The following XKR7 variants were observed in gnomAD, a reference collection of about 807,000 sequenced individuals.
XKR7 encodes the protein XK related 7.
XKR7 carries 11 observed loss-of-function variants against 42.2 expected under a neutral mutation model. That is an observed-to-expected ratio of 0.26 (90% CI 0.16 to 0.43). The LOEUF (loss-of-function observed/expected upper bound fraction) is 0.43, where lower values mean the gene tolerates loss of function less well. XKR7 is among the 20% of genes least tolerant of loss of function. The pLI is 1.00. For missense variants in XKR7, 710 were observed against 802.2 expected (o/e 0.89, Z 1.39); for synonymous variants, 346 against 366.4 (o/e 0.94, Z 0.64).
intron 1 of XKR7, among the ~76,000 whole-genome samples, chr20:31,992,001 C>T (rs2064572353): frequency 6.6e-6 from 1 of 152,216 alleles, no homozygotes; most frequent in African/African-American, 2.4e-5. Context: ...CCTGTAATCC[C>T]AGCTACTCGG....
rs2064601355 is a variant in XKR7 at position 31,997,530 on chromosome 20, T to G, written c.*73T>G. The G allele has an allele frequency of 7.2e-7, 1 of 1,390,634 alleles. No individual in the cohort carries two copies. The highest frequency in any genetic ancestry group is 1.4e-5 in the African/African-American group (1 of 70,026). 86.1% of individuals were successfully genotyped at this position (1,390,634 alleles called of 1,614,324 possible). On this transcript the variant is annotated 3_prime_UTR_variant, in exon 3 of 3. Transcript: ENST00000562532. ...CCGCCGCAGTGTTGTGCCCCGAATT[T>G]CAGGGCCACCAGGCTAAGGGGGAGT... is the stretch of plus-strand genomic sequence containing the variant.
intron 1 of XKR7, among the ~76,000 whole-genome samples, chr20:31,975,004 G>A (rs749332255): frequency 6.6e-5 from 10 of 152,214 alleles, no homozygotes; most frequent in Middle Eastern, 3.4e-3. Context: ...TGGGCCCAGC[G>A]TCCCCTGTTT....
intron 2 of XKR7, 88 bp from the exon 3 acceptor site, chr20:31,996,416 TC>T: frequency 5.1e-6 from 5 of 975,986 alleles, no homozygotes; most frequent in Non-Finnish European, 7.2e-6. Context: ...AAAACCCAGC[TC>T]CTGACCCAGA....
intron 2 of XKR7, among the ~76,000 whole-genome samples, chr20:31,996,088 G>A (rs1186495208): frequency 1.3e-5 from 2 of 151,606 alleles, no homozygotes; most frequent in South Asian, 2.1e-4. Context: ...CCTCCTGGTG[G>A]CCCACGACTT....
rs535466555 is a variant in XKR7, at chr20:31,971,384, G to T, written c.584+2625G>T. Among the ~76,000 whole-genome samples the T allele has an allele frequency of 3.3e-5, 5 of 152,334 alleles. No individual in the cohort carries two copies. In the East Asian group the frequency reaches 9.6e-4, roughly 29 times the overall value. On this transcript the variant is annotated intron_variant, in intron 1 of 2. Transcript: ENST00000562532. ...AAGAGTTTCCCATTCCTGAAATTCT[G>T]ACTCTGGGTCTATTGCCAAAGCAAA...
chr20:31,995,016 A>AGAGCGAGAGGAACCAGCGCGCGG lies in XKR7; in HGVS notation c.585-47_585-25dup. The AGAGCGAGAGGAACCAGCGCGCGG allele has an allele frequency of 6.5e-7, 1 of 1,536,232 alleles. No homozygotes were observed. The highest frequency in any genetic ancestry group is 1.2e-5 in the South Asian group (1 of 83,220). On this transcript the variant is annotated intron_variant, in intron 1 of 2. Coordinates refer to ENST00000562532, the MANE Select transcript of XKR7 (RefSeq NM_001011718.2). The surrounding 1 kb of genome is among the most constrained non-coding windows in gnomAD (Gnocchi z 4.1). ...GTGGGCGGCTCGGGGCTGGTGCGAC[A>AGAGCGAGAGGAACCAGCGCGCGG]GAGCGAGAGGAACCAGCGCGCGGGA... is the stretch of plus-strand genomic sequence containing the variant.
chr20:31,986,742 C>T (rs1323247589), intron 1 of XKR7, among the ~76,000 whole-genome samples: 1 of 145,528 alleles, frequency 6.9e-6, no homozygotes, highest in African/African-American at 2.6e-5. Flanking sequence ...ACCCAGCATC[C>T]AAGACACAGA....
At position 31,989,277 on chromosome 20, in the gene XKR7, C is replaced by CG. The variant is rs572620675; in HGVS notation, c.585-5791_585-5790insG. On this transcript the variant is annotated intron_variant, in intron 1 of 2. Coordinates refer to ENST00000562532, the MANE Select transcript of XKR7 (RefSeq NM_001011718.2). ...CAAGTCTGGCTGAGTTTTAGGACAC[C>CG]CCCCCCCCAGCGCATCTGGAGTGTC... 2.6e-3 allele frequency among the ~76,000 whole-genome samples: 287 copies of CG among 111,448 alleles called. 1 individual carries two copies. Among genetic ancestry groups the CG allele is most frequent in the Non-Finnish European group, 4.5e-3 (238 of 52,386 alleles). 73.1% of individuals were successfully genotyped at this position (111,448 alleles called of 152,430 possible). A position where few individuals can be genotyped will look rare whatever the true frequency, so the allele number is the denominator to read the frequency against.
chr20:31,982,570 C>T (rs1267640149), intron 1 of XKR7, among the ~76,000 whole-genome samples: 1 of 151,862 alleles, frequency 6.6e-6, no homozygotes. Flanking sequence ...TGAACCTTCC[C>T]TTTTCTGACA....
chr20:31,992,756 CAGAG>C (rs913473961), intron 1 of XKR7, among the ~76,000 whole-genome samples: 1 of 152,088 alleles, frequency 6.6e-6, no homozygotes, highest in East Asian at 1.9e-4. Context: ...CCTCATTTTG[CAGAG>C]AGAGTCCCAG....
Position 31,996,701 on chromosome 20 carries a change from T to G in XKR7, c.984T>G (p.Phe328Leu). 1.2e-6 allele frequency: 2 copies of G among 1,611,934 alleles called. No homozygotes were observed. The change falls in exon 3 of 3, where the codon TTT (phenylalanine) becomes TTG (leucine). Residue 328 changes from phenylalanine to leucine, a missense_variant. By Grantham distance (22) the Phe-to-Leu change is conservative. Coordinates refer to ENST00000562532, the MANE Select transcript of XKR7 (RefSeq NM_001011718.2). Reference protein sequence around the residue: ...ALFASVYKLYFGIFIVAHWCV... With the variant: ...ALFASVYKLYLGIFIVAHWCV... Reference sequence around the variant, plus strand: ...TCGCCAGCGTCTACAAGCTCTATTTTGGCATCTTCATCGTGGCCCACTGGT... The same window carrying G: ...TCGCCAGCGTCTACAAGCTCTATTTGGGCATCTTCATCGTGGCCCACTGGT...
intron 1 of XKR7, among the ~76,000 whole-genome samples, chr20:31,993,553 T>G (rs2064578755): frequency 6.6e-6 from 1 of 152,160 alleles, no homozygotes; most frequent in South Asian, 2.1e-4. Context: ...AGAGTTCCAT[T>G]CAGTTCAACA....
intron 1 of XKR7, among the ~76,000 whole-genome samples, chr20:31,977,793 A>C (rs999260689): frequency 6.6e-6 from 1 of 152,214 alleles, no homozygotes; most frequent in African/African-American, 2.4e-5. Flanking sequence ...TTGGAATAGA[A>C]GCAAGAACAC....
Position 31,984,027 on chromosome 20 carries a change from C to T in XKR7, c.585-11041C>T, listed in dbSNP as rs531955653. Among the ~76,000 whole-genome samples, 25 of 151,556 alleles carry T rather than the reference C, an allele frequency of 1.6e-4. 1 individual carries two copies. In the Middle Eastern group the frequency reaches 0.01, roughly 62 times the overall value. On this transcript the variant is annotated intron_variant, in intron 1 of 2. Transcript: ENST00000562532. ...GGTTCACTCCCAGCACTTGGGAGGC[C>T]GAGTCAAGTGGATCCCTTGAGGTCA...
chr20:31,981,095 G>A (rs1024016443), intron 1 of XKR7, among the ~76,000 whole-genome samples: 1 of 148,676 alleles, frequency 6.7e-6, no homozygotes, highest in African/African-American at 2.5e-5. Flanking sequence ...GCCAGGTGCT[G>A]TGGCTCATGC....
At chr20:31,969,778 A>G (rs995773095) in intron 1 of XKR7, among the ~76,000 whole-genome samples, 1 of 152,148 alleles carries the variant, frequency 6.6e-6, no homozygotes, top group African/African-American at 2.4e-5. Context: ...GTCAGGTGAG[A>G]GGTCTGCATG....
intron 1 of XKR7, among the ~76,000 whole-genome samples, chr20:31,993,397 T>C (rs1023969986): frequency 1.3e-5 from 2 of 152,172 alleles, no homozygotes; most frequent in African/African-American, 4.8e-5. Context: ...AAGTTTCTTT[T>C]CATTCATTTA....
intron 1 of XKR7, among the ~76,000 whole-genome samples, chr20:31,985,544 A>G (rs948005433): frequency 6.6e-6 from 1 of 152,098 alleles, no homozygotes; most frequent in African/African-American, 2.4e-5. Context: ...GGACTAAAAG[A>G]CACAGACAGA....
chr20:31,977,966 C>G (rs2064493190), intron 1 of XKR7, among the ~76,000 whole-genome samples: 3 of 152,204 alleles, frequency 2.0e-5, no homozygotes, highest in South Asian at 2.1e-4. Flanking sequence ...GTCTGTAGCT[C>G]TATCCTTGGG....
Sources: gnomAD v4.1 joint callset for allele counts (sites outside exome capture counted in the v4.1 genomes callset) on GRCh38, gnomAD v4.1.1 for gene constraint, Gnocchi (gnomAD v3.1) non-coding constraint, MANE v1.5 for transcripts, NCBI Gene and HGNC (gene_info 2026-07-23, HGNC 2026-07-21) for gene names.